DTWD2: variants seen among roughly 807,000 people sequenced by gnomAD.
DTWD2 encodes the protein DTW motif tRNA-uridine aminocarboxypropyltransferase 2.
A neutral mutation model predicts 31.8 loss-of-function variants in DTWD2; 39 were observed. The observed-to-expected ratio is 1.22, with a 90% CI of 0.95 to 1.60. The LOEUF (loss-of-function observed/expected upper bound fraction) is 1.60. Among genes scored for constraint, DTWD2 ranks in the 40% most tolerant of loss-of-function variants. The probability of loss-of-function intolerance (pLI) is 0.00; values close to 1 mark genes in which losing one functional copy is unlikely to be tolerated. For synonymous variants in DTWD2, 180 were observed against 142.8 expected, an observed-to-expected ratio of 1.26 and a Z score of -1.86; for missense variants, 515 against 381.5, an observed-to-expected ratio of 1.35 and a Z score of -2.92.
At chr5:118,861,071 C>G (rs1291622625) in intron 4 of DTWD2, among the ~76,000 whole-genome samples, 1 of 152,148 alleles carries the variant, frequency 6.6e-6, no homozygotes, top group Non-Finnish European at 1.5e-5. Context: ...GGACAATTTT[C>G]TCTAATTACT....
At chr5:118,912,493 C>T (rs1753478738) in intron 4 of DTWD2, among the ~76,000 whole-genome samples, 1 of 152,240 alleles carries the variant, frequency 6.6e-6, no homozygotes, top group Non-Finnish European at 1.5e-5. Flanking sequence ...TAAGCTCCAA[C>T]CACCCCGGTC....
At chr5:118,882,007 A>T (rs1752752627) in intron 4 of DTWD2, among the ~76,000 whole-genome samples, 1 of 152,176 alleles carries the variant, frequency 6.6e-6, no homozygotes. Flanking sequence ...TTTCCACATT[A>T]ACCCAAAAGT....
At chr5:118,949,005 C>T (rs781584447) in intron 1 of DTWD2, among the ~76,000 whole-genome samples, 7 of 152,002 alleles carry the variant, frequency 4.6e-5, no homozygotes, top group South Asian at 2.1e-4. Context: ...AGGGAGAGAA[C>T]GTGTGTTTTT....
chr5:118,838,061 T>A lies in DTWD2; in HGVS notation c.*2856A>T, dbSNP rs752068506. ...GTTAGAGAAAATAATTTTTTCCCAA[T>A]ATAATTCTCCTATTCCACATAAGTC... On this transcript the variant is annotated 3_prime_UTR_variant, in exon 6 of 6. Coordinates refer to ENST00000510708, the MANE Select transcript of DTWD2 (RefSeq NM_173666.4). 1.3e-5 allele frequency: 2 copies of A among 152,210 alleles called. No homozygotes were observed. Among genetic ancestry groups the A allele is most frequent in the African/African-American group, 2.4e-5 (1 of 41,446 alleles). 9.4% of individuals were successfully genotyped at this position (152,210 alleles called of 1,614,324 possible).
At chr5:118,916,249 T>C (rs1753573317) in intron 4 of DTWD2, among the ~76,000 whole-genome samples, 1 of 152,216 alleles carries the variant, frequency 6.6e-6, no homozygotes, top group East Asian at 1.9e-4. Flanking sequence ...GTGTTTACCG[T>C]CACATTTTAT....
At chr5:118,920,350 T>C (rs1323605282) in intron 4 of DTWD2, among the ~76,000 whole-genome samples, 3 of 151,976 alleles carry the variant, frequency 2.0e-5, no homozygotes, top group Non-Finnish European at 4.4e-5. Context: ...TATTGTATTA[T>C]ATATATAGTA....
In DTWD2 at chr5:118,901,529, T is replaced by C. The variant is rs1396652025; in HGVS notation, c.597+27008A>G. ...TGCTATCTTGCCTAAGTCACAACTT[T>C]CATGTAGTTTAAGAAAATATCATAT... is the stretch of plus-strand genomic sequence containing the variant. On this transcript the variant is annotated intron_variant, in intron 4 of 5. Coordinates refer to ENST00000510708, the MANE Select transcript of DTWD2 (RefSeq NM_173666.4). Among the ~76,000 whole-genome samples, 4 of 152,304 alleles carry C rather than the reference T, an allele frequency of 2.6e-5. No homozygotes were observed. In the South Asian group the frequency reaches 6.2e-4, roughly 24 times the overall value.
chr5:118,974,100 A>G, intron 1 of DTWD2: 1 of 1,597,146 alleles, frequency 6.3e-7, no homozygotes, highest in Non-Finnish European at 8.5e-7. Flanking sequence ...GATACCAAGA[A>G]GCAGAAGACC....
chr5:118,947,459 G>C (rs897316953), intron 1 of DTWD2, among the ~76,000 whole-genome samples: 2 of 152,130 alleles, frequency 1.3e-5, no homozygotes, highest in African/African-American at 2.4e-5. Flanking sequence ...TGGACTCTCC[G>C]AAGCAACAGC....
intron 4 of DTWD2, among the ~76,000 whole-genome samples, chr5:118,904,899 T>C (rs530622140): frequency 2.8e-4 from 42 of 152,200 alleles, no homozygotes; most frequent in African/African-American, 9.6e-4. Flanking sequence ...AGGAGCTACA[T>C]TTCACCTCTG....
At chr5:118,935,604 T>C (rs1754025526) in intron 3 of DTWD2, among the ~76,000 whole-genome samples, 1 of 152,190 alleles carries the variant, frequency 6.6e-6, no homozygotes, top group African/African-American at 2.4e-5. Flanking sequence ...AAGTTTGTGG[T>C]GTTGACACCA....
intron 4 of DTWD2, among the ~76,000 whole-genome samples, chr5:118,923,182 T>C (rs1356125794): frequency 1.3e-5 from 2 of 152,156 alleles, no homozygotes; most frequent in Admixed American, 6.5e-5. Context: ...GGTAGTTAGA[T>C]AGGCATGAGC....
intron 1 of DTWD2, among the ~76,000 whole-genome samples, chr5:118,967,176 T>C (rs1387592954): frequency 1.3e-5 from 2 of 152,158 alleles, no homozygotes; most frequent in Non-Finnish European, 2.9e-5. Context: ...GAGTCAGATT[T>C]CTTACTGTCA....
intron 4 of DTWD2, among the ~76,000 whole-genome samples, chr5:118,874,452 T>TA: frequency 6.6e-6 from 1 of 152,278 alleles, no homozygotes; most frequent in Non-Finnish European, 1.5e-5. Flanking sequence ...GCAAGGAAGC[T>TA]AAAAATCATC....
At chr5:118,971,575 A>C (rs942905993) in intron 1 of DTWD2, among the ~76,000 whole-genome samples, 1 of 152,194 alleles carries the variant, frequency 6.6e-6, no homozygotes, top group Admixed American at 6.5e-5. Context: ...CAGATGATCA[A>C]GACAGAAAAT....
intron 1 of DTWD2, among the ~76,000 whole-genome samples, chr5:118,954,188 T>C (rs568511279): frequency 2.8e-4 from 42 of 152,274 alleles, no homozygotes; most frequent in African/African-American, 9.6e-4. Flanking sequence ...GGAAGACTGC[T>C]CATACCCAGG....
chr5:118,941,660 G>A (rs1395959380), intron 2 of DTWD2, among the ~76,000 whole-genome samples: 1 of 152,180 alleles, frequency 6.6e-6, no homozygotes. Flanking sequence ...TGTCTTTATA[G>A]CAGCATGATT....
At chr5:118,963,601 A>T (rs1040228894) in intron 1 of DTWD2, among the ~76,000 whole-genome samples, 1 of 152,208 alleles carries the variant, frequency 6.6e-6, no homozygotes, top group Non-Finnish European at 1.5e-5. Context: ...AAATATAAAG[A>T]ACTTCATTAA....
chr5:118,882,266 T>A (rs1222401555), intron 4 of DTWD2, among the ~76,000 whole-genome samples: 10 of 152,226 alleles, frequency 6.6e-5, no homozygotes, highest in African/African-American at 1.9e-4. Context: ...GCAGGGCAAG[T>A]TGATGCAACA....
Sources: gnomAD v4.1 joint callset for allele counts (sites outside exome capture counted in the v4.1 genomes callset) on GRCh38, gnomAD v4.1.1 for gene constraint, MANE v1.5 for transcripts, NCBI Gene and HGNC (gene_info 2026-07-23, HGNC 2026-07-21) for gene names.